Variants in GBE1 observed in about 807,000 individuals in gnomAD.
The protein encoded by GBE1 is 1,4-alpha-glucan branching enzyme 1, also known as 1,4-alpha-glucan-branching enzyme.
A neutral mutation model predicts 88.8 loss-of-function variants in GBE1; 70 were observed. The observed-to-expected ratio is 0.79, with a 90% CI of 0.65 to 0.96. The LOEUF is 0.96. GBE1 is among the 40% of genes least tolerant of loss of function. The pLI is 0.00. For missense variants in GBE1, 872 were observed against 871.0 expected, an observed-to-expected ratio of 1.00 and a Z score of -0.01; for synonymous variants, 284 against 300.1, an observed-to-expected ratio of 0.95 and a Z score of 0.56.
In GBE1 at chr3:81,642,704, A is replaced by C. The variant is rs12054089; in HGVS notation, c.992+77T>G. ...AGTACCAGTGAGAGAGTACACACAC[A>C]ATGAATTTAGTGAAATTCTTAAAAA... On this transcript the variant is annotated intron_variant, in intron 7 of 15. Coordinates refer to ENST00000429644, the MANE Select transcript of GBE1 (RefSeq NM_000158.4). 45,959 of 923,576 alleles carry C rather than the reference A, an allele frequency of 0.05. 3,279 individuals are homozygous for C. Among genetic ancestry groups the C allele is most frequent in the East Asian group, 0.33 (13,685 of 41,126 alleles). 57.2% of individuals were successfully genotyped at this position (923,576 alleles called of 1,614,324 possible). A position where few individuals can be genotyped will look rare whatever the true frequency, so the allele number is the denominator to read the frequency against.
At chr3:81,499,476 AT>A (rs1702557810) in intron 14 of GBE1, among the ~76,000 whole-genome samples, 1 of 152,280 alleles carries the variant, frequency 6.6e-6, no homozygotes, top group East Asian at 1.9e-4. Flanking sequence ...GGGACGAAAC[AT>A]ACCTAATCTA....
At chr3:81,711,273 T>C (rs1454935140) in intron 1 of GBE1, among the ~76,000 whole-genome samples, 1 of 152,174 alleles carries the variant, frequency 6.6e-6, no homozygotes, top group Non-Finnish European at 1.5e-5. Context: ...AGATTTTATT[T>C]TGTCATTTGC....
chr3:81,646,441 A>G lies in GBE1; in HGVS notation c.733T>C (p.Tyr245His), dbSNP rs2107066005. 6.2e-7 allele frequency: 1 copy of G among 1,606,122 alleles called. No homozygotes were observed. Among genetic ancestry groups the G allele is most frequent in the South Asian group, 1.1e-5 (1 of 89,064 alleles). ...ATTTGGTAACCAAAGCTGGCATAGT[A>G]AGCATGCTCCATGATTGCCATCAAC... ...IQLMAIMEHA[Y>H]YASFGYQITS... Residue 245 changes from tyrosine to histidine, a missense_variant, in exon 6 of 16, where the codon TAC (tyrosine) becomes CAC (histidine). Physicochemically the swap from Tyr to His is moderately conservative, Grantham distance 83. Transcript: ENST00000429644.
chr3:81,596,576 T>C (rs954504052), intron 7 of GBE1, among the ~76,000 whole-genome samples: 3 of 151,970 alleles, frequency 2.0e-5, no homozygotes, highest in Non-Finnish European at 2.9e-5. Flanking sequence ...ATAGTAGTCT[T>C]AGTTATGCTA....
intron 2 of GBE1, among the ~76,000 whole-genome samples, chr3:81,675,309 T>A (rs9813155): frequency 0.26 from 38,905 of 151,828 alleles, 6,147 homozygotes; most frequent in African/African-American, 0.44. Context: ...CCTTTGAGGC[T>A]AGTGTTAATC....
At chr3:81,735,941 T>C (rs115337220) in intron 1 of GBE1, among the ~76,000 whole-genome samples, 2,316 of 152,212 alleles carry the variant, frequency 0.015, 67 homozygotes, top group African/African-American at 0.053. Flanking sequence ...CCACGACCAC[T>C]AAAGGCTGCA....
chr3:81,613,682 T>C (rs1415321085), intron 7 of GBE1, among the ~76,000 whole-genome samples: 1 of 152,194 alleles, frequency 6.6e-6, no homozygotes, highest in African/African-American at 2.4e-5. Context: ...CTGACAGACA[T>C]CCTTGCAGTT....
intron 1 of GBE1, among the ~76,000 whole-genome samples, chr3:81,708,957 T>C (rs1353645200): frequency 2.0e-5 from 3 of 152,036 alleles, no homozygotes; most frequent in Non-Finnish European, 4.4e-5. Flanking sequence ...CAGGCAGGTG[T>C]AACAATTATG....
intron 2 of GBE1, among the ~76,000 whole-genome samples, chr3:81,702,434 T>C (rs947823421): frequency 2.0e-5 from 3 of 151,972 alleles, no homozygotes; most frequent in African/African-American, 7.2e-5. Context: ...AAAAAAGACA[T>C]CCTTTCTTCT....
At chr3:81,500,620 A>G (rs1339856873) in intron 14 of GBE1, among the ~76,000 whole-genome samples, 1 of 152,198 alleles carries the variant, frequency 6.6e-6, no homozygotes, top group Non-Finnish European at 1.5e-5. Flanking sequence ...AGGCAAGCAT[A>G]TCATCAAAAG....
At chr3:81,594,379 A>C (rs554581371) in intron 7 of GBE1, among the ~76,000 whole-genome samples, 1 of 152,222 alleles carries the variant, frequency 6.6e-6, no homozygotes, top group Admixed American at 6.6e-5. Context: ...GAAAAAAGCA[A>C]AGGAATAAAA....
chr3:81,571,990 T>G (rs1422594052), intron 12 of GBE1, among the ~76,000 whole-genome samples: 3 of 152,206 alleles, frequency 2.0e-5, no homozygotes, highest in Admixed American at 6.5e-5. Flanking sequence ...CATCTTGAAT[T>G]GTAATTCCCA....
intron 7 of GBE1, among the ~76,000 whole-genome samples, chr3:81,632,358 C>T (rs182584581): frequency 1.3e-4 from 20 of 151,846 alleles, no homozygotes; most frequent in East Asian, 3.9e-4. Context: ...AACAAATTTA[C>T]GAGAAAAAAA....
intron 10 of GBE1, 135 bp downstream of exon 10, chr3:81,585,957 T>A: frequency 1.9e-6 from 1 of 538,442 alleles, no homozygotes. Flanking sequence ...AGCATAAGAA[T>A]CGACAGACTA....
rs535140271 is a variant in GBE1 at position 81,514,668 on chromosome 3, G to A, written c.1935-15441C>T. On this transcript the variant is annotated intron_variant, in intron 14 of 15. Transcript: ENST00000429644. ...AGCTTTCAAAAATGCTTAGGAGCCC[G>A]TAGGTAATTTTAGCGAGCCAGTAAT... 6.6e-5 allele frequency among the ~76,000 whole-genome samples: 10 copies of A among 151,660 alleles called. No individual in the cohort carries two copies. In the East Asian group the frequency reaches 9.7e-4, roughly 15 times the overall value.
chr3:81,613,010 G>GATACT (rs146340438), intron 7 of GBE1: 6,820 of 546,696 alleles, frequency 0.012, 357 homozygotes, highest in Admixed American at 0.11. Flanking sequence ...TAGGGGATAA[G>GATACT]GATGAAGGTG....
At chr3:81,638,825 T>C (rs1363796653) in intron 7 of GBE1, among the ~76,000 whole-genome samples, 1 of 152,174 alleles carries the variant, frequency 6.6e-6, no homozygotes. Context: ...AGATTCTAAA[T>C]GGTGACAGGT....
At chr3:81,673,416 T>C (rs1705216264) in intron 2 of GBE1, among the ~76,000 whole-genome samples, 1 of 151,860 alleles carries the variant, frequency 6.6e-6, no homozygotes, top group Non-Finnish European at 1.5e-5. Context: ...AAAGGTTAAA[T>C]TGAGTTATAA....
intron 1 of GBE1, among the ~76,000 whole-genome samples, chr3:81,741,620 A>G (rs1369195285): frequency 6.6e-6 from 1 of 151,998 alleles, no homozygotes; most frequent in Non-Finnish European, 1.5e-5. Flanking sequence ...AGCATAATTA[A>G]TGGGAAAACA....
Sources: allele counts gnomAD v4.1 joint callset (sites outside exome capture counted in the v4.1 genomes callset), GRCh38; gene constraint gnomAD v4.1.1; transcripts MANE v1.5; gene names NCBI Gene and HGNC (gene_info 2026-07-23, HGNC 2026-07-21).